The following IMMP2L variants were observed in gnomAD, a reference collection of about 807,000 sequenced individuals.
The protein encoded by IMMP2L is mitochondrial inner membrane protease subunit 2.
In IMMP2L, 18 loss-of-function variants were observed where a neutral mutation model predicts 19.3. The ratio of observed to expected loss-of-function variants is 0.93; its 90% CI spans 0.64 to 1.38. The LOEUF is 1.38. Among genes scored for constraint, IMMP2L ranks in the 40% most tolerant of loss-of-function variants. The probability of loss-of-function intolerance (pLI) is 0.00; values close to 1 mark genes in which losing one functional copy is unlikely to be tolerated. For missense variants in IMMP2L, 233 were observed against 218.2 expected (o/e 1.07, Z -0.43); for synonymous variants, 76 against 73.0 (o/e 1.04, Z -0.21).
intron 3 of IMMP2L, among the ~76,000 whole-genome samples, chr7:111,055,611 G>C (rs886510384): frequency 6.6e-6 from 1 of 152,100 alleles, no homozygotes; most frequent in Non-Finnish European, 1.5e-5. Flanking sequence ...AACTGCTTTC[G>C]TAGGCTGGAT....
At chr7:110,823,978 ACT>A (rs1163851623) in intron 5 of IMMP2L, among the ~76,000 whole-genome samples, 1 of 152,036 alleles carries the variant, frequency 6.6e-6, no homozygotes, top group African/African-American at 2.4e-5. Context: ...CTTGGAGAAC[ACT>A]CTACTGATGG....
chr7:110,936,746 C>T (rs1816153650), intron 4 of IMMP2L, among the ~76,000 whole-genome samples: 1 of 151,818 alleles, frequency 6.6e-6, no homozygotes, highest in Non-Finnish European at 1.5e-5. Flanking sequence ...AAGACACATG[C>T]ACACACATGT....
At chr7:110,793,368 C>T (rs549456803) in intron 5 of IMMP2L, among the ~76,000 whole-genome samples, 27 of 151,302 alleles carry the variant, frequency 1.8e-4, no homozygotes, top group South Asian at 8.4e-4. Context: ...TACAGTGAGC[C>T]GAGTCCACAC....
chr7:111,033,887 A>G (rs1439584263), intron 3 of IMMP2L, among the ~76,000 whole-genome samples: 2 of 152,190 alleles, frequency 1.3e-5, no homozygotes, highest in Non-Finnish European at 2.9e-5. Context: ...ATAAATAAAT[A>G]GTGGTAATAT....
intron 3 of IMMP2L, among the ~76,000 whole-genome samples, chr7:111,259,917 C>T (rs1817135624): frequency 6.6e-6 from 1 of 152,042 alleles, no homozygotes; most frequent in Non-Finnish European, 1.5e-5. Flanking sequence ...GGGTCAGGAT[C>T]ATCAATATCA....
At chr7:111,441,906 A>G (rs1585112686) in intron 3 of IMMP2L, among the ~76,000 whole-genome samples, 1 of 151,882 alleles carries the variant, frequency 6.6e-6, no homozygotes, top group East Asian at 1.9e-4. Context: ...TGGGAGGCCA[A>G]GGCGGGCAGA....
At chr7:110,853,412 T>C (rs1446762368) in intron 5 of IMMP2L, among the ~76,000 whole-genome samples, 1 of 152,060 alleles carries the variant, frequency 6.6e-6, no homozygotes, top group Non-Finnish European at 1.5e-5. Context: ...TTCCATCAAC[T>C]TTCTATAGAG....
Position 111,356,584 on chromosome 7 carries a change from G to A in IMMP2L, c.239+130654C>T, listed in dbSNP as rs924834469. Among the ~76,000 whole-genome samples the A allele has an allele frequency of 2.6e-5, 4 of 152,006 alleles. 1 individual carries two copies. The highest frequency in any genetic ancestry group is 2.9e-5 in the Non-Finnish European group (2 of 68,012). ...ATTCAACGTTAAATCCCAATTGTAC[G>A]CTTTTTAGTGTAGCACTGAAAAGTT... On this transcript the variant is annotated intron_variant, in intron 3 of 5. Coordinates refer to ENST00000405709, the MANE Select transcript of IMMP2L (RefSeq NM_032549.4).
chr7:111,332,972 T>A (rs1193320276), intron 3 of IMMP2L, among the ~76,000 whole-genome samples: 1 of 152,076 alleles, frequency 6.6e-6, no homozygotes, highest in Non-Finnish European at 1.5e-5. Flanking sequence ...AGGAGATCCC[T>A]TAGGGTGTCT....
intron 3 of IMMP2L, among the ~76,000 whole-genome samples, chr7:111,088,183 C>A (rs1796519549): frequency 6.6e-6 from 1 of 152,118 alleles, no homozygotes; most frequent in Non-Finnish European, 1.5e-5. Context: ...AGTTAAAAAT[C>A]CCAACCACTA....
chr7:111,376,642 A>C (rs749222661), intron 3 of IMMP2L, among the ~76,000 whole-genome samples: 12 of 152,170 alleles, frequency 7.9e-5, no homozygotes, highest in Non-Finnish European at 1.6e-4. Context: ...AGGTGGAAAC[A>C]ATCTAAATGT....
At chr7:111,381,301 A>G (rs1831178624) in intron 3 of IMMP2L, among the ~76,000 whole-genome samples, 1 of 152,050 alleles carries the variant, frequency 6.6e-6, no homozygotes, top group African/African-American at 2.4e-5. Flanking sequence ...ATGTAAGCAG[A>G]GACTGGATGA....
intron 3 of IMMP2L, among the ~76,000 whole-genome samples, chr7:111,138,037 G>T (rs565322232): frequency 6.6e-6 from 1 of 151,900 alleles, no homozygotes; most frequent in African/African-American, 2.4e-5. Context: ...CCCATGTTGC[G>T]CAGGCTGGTC....
chr7:111,466,030 T>C (rs1840624356), intron 3 of IMMP2L, among the ~76,000 whole-genome samples: 1 of 152,102 alleles, frequency 6.6e-6, no homozygotes, highest in African/African-American at 2.4e-5. Context: ...TGTAGGGACA[T>C]GGATGAAGCT....
rs567043100 is a variant in IMMP2L at position 110,916,349 on chromosome 7, T to C, written c.306-29654A>G. Among the ~76,000 whole-genome samples, 4 of 152,322 alleles carry C rather than the reference T, an allele frequency of 2.6e-5. No homozygotes were observed. The East Asian group carries it at 5.8e-4, about 22-fold the overall frequency. The stretch of plus-strand genomic sequence containing the variant: ...TTCAAAGAAAAAATTTAACATTTTG[T>C]CTACTTTTTCTGTTCCAAAAGATAT... On this transcript the variant is annotated intron_variant, in intron 4 of 5. Transcript: ENST00000405709.
At chr7:110,739,363 C>G (rs1374583856) in intron 5 of IMMP2L, among the ~76,000 whole-genome samples, 1 of 151,812 alleles carries the variant, frequency 6.6e-6, no homozygotes, top group Non-Finnish European at 1.5e-5. Context: ...GGTAAAGGGG[C>G]GGAAAAAGAC....
chr7:110,990,314 T>A (rs1822321424), intron 3 of IMMP2L, among the ~76,000 whole-genome samples: 1 of 152,158 alleles, frequency 6.6e-6, no homozygotes, highest in African/African-American at 2.4e-5. Context: ...TCACAAATAA[T>A]CCTAGCCAAA....
At chr7:111,294,512 T>A (rs1217983293) in intron 3 of IMMP2L, among the ~76,000 whole-genome samples, 1 of 151,960 alleles carries the variant, frequency 6.6e-6, no homozygotes, top group African/African-American at 2.4e-5. Flanking sequence ...GTAATTCTTT[T>A]TCCGTGTTTT....
intron 5 of IMMP2L, among the ~76,000 whole-genome samples, chr7:110,799,908 C>T (rs1302399578): frequency 6.6e-6 from 1 of 152,042 alleles, no homozygotes; most frequent in Non-Finnish European, 1.5e-5. Context: ...TCCAGCTCTA[C>T]TGTAAATCAC....
Sources: allele counts gnomAD v4.1 joint callset (sites outside exome capture counted in the v4.1 genomes callset), GRCh38; gene constraint gnomAD v4.1.1; transcripts MANE v1.5; gene names NCBI Gene and HGNC (gene_info 2026-07-23, HGNC 2026-07-21).